Variants in ANKS1B observed in about 807,000 individuals in gnomAD.
The protein encoded by ANKS1B is ankyrin repeat and sterile alpha motif domain containing 1B, also known as ankyrin repeat and sterile alpha motif domain-containing protein 1B.
Under a neutral mutation model 148.3 loss-of-function variants are expected in ANKS1B, and 36 were observed. The ratio of observed to expected loss-of-function variants is 0.24; its 90% CI spans 0.19 to 0.32. The LOEUF is 0.32. ANKS1B is among the 10% of genes least tolerant of loss of function. ANKS1B has a pLI of 1.00. For missense variants in ANKS1B, 1,157 were observed against 1,542.6 expected, an observed-to-expected ratio of 0.75 and a Z score of 4.19; for synonymous variants, 542 against 560.8, an observed-to-expected ratio of 0.97 and a Z score of 0.47.
At chr12:99,848,209 G>C (rs191973982) in intron 1 of ANKS1B, among the ~76,000 whole-genome samples, 21 of 152,154 alleles carry the variant, frequency 1.4e-4, no homozygotes, top group Admixed American at 4.6e-4. Flanking sequence ...GAAGAGAAAA[G>C]GGTCAAAAAT....
intron 8 of ANKS1B, among the ~76,000 whole-genome samples, chr12:99,698,330 T>G (rs1339217335): frequency 6.6e-6 from 1 of 152,136 alleles, no homozygotes; most frequent in Non-Finnish European, 1.5e-5. Context: ...AAATAAACCT[T>G]GAATTTCACT....
intron 10 of ANKS1B, among the ~76,000 whole-genome samples, chr12:99,457,548 G>T (rs775035248): frequency 1.2e-4 from 18 of 151,866 alleles, no homozygotes; most frequent in Non-Finnish European, 2.5e-4. Flanking sequence ...CAACACATAA[G>T]GACTCACATA....
At chr12:98,832,179 A>G in intron 17 of ANKS1B, 43 bp from the exon 18 acceptor site, 1 of 1,444,538 alleles carries the variant, frequency 6.9e-7, no homozygotes, top group Non-Finnish European at 9.4e-7. Context: ...ACTGGAGAAC[A>G]AATAATTTTT....
At chr12:99,116,476 C>T (rs2061448156) in intron 15 of ANKS1B, among the ~76,000 whole-genome samples, 1 of 152,100 alleles carries the variant, frequency 6.6e-6, no homozygotes, top group Non-Finnish European at 1.5e-5. Flanking sequence ...GCATCTAGTG[C>T]TTGGCATGGA....
chr12:98,957,758 T>C (rs2099864923), intron 17 of ANKS1B, among the ~76,000 whole-genome samples: 1 of 152,116 alleles, frequency 6.6e-6, no homozygotes, highest in Admixed American at 6.6e-5. Flanking sequence ...TTCACTTAGA[T>C]TAATATACAT....
At chr12:99,270,863 A>T (rs1179211115) in intron 12 of ANKS1B, among the ~76,000 whole-genome samples, 2 of 152,264 alleles carry the variant, frequency 1.3e-5, no homozygotes, top group African/African-American at 2.4e-5. Flanking sequence ...AATAGTTTTT[A>T]AAATTTATTT....
intron 9 of ANKS1B, among the ~76,000 whole-genome samples, chr12:99,613,124 A>G (rs1029090567): frequency 6.6e-6 from 1 of 152,146 alleles, no homozygotes; most frequent in Admixed American, 6.6e-5. Flanking sequence ...CACCTCAGTG[A>G]GGCTAATCTT....
intron 17 of ANKS1B, among the ~76,000 whole-genome samples, chr12:98,991,434 T>C (rs1008069247): frequency 3.0e-4 from 46 of 152,142 alleles, no homozygotes; most frequent in African/African-American, 1.1e-3. Flanking sequence ...AATAGTAAAA[T>C]ATTTAAATGT....
intron 9 of ANKS1B, among the ~76,000 whole-genome samples, chr12:99,523,551 CTTTTTTTTT>C (rs71088130): frequency 3.3e-5 from 4 of 119,640 alleles, no homozygotes; most frequent in Non-Finnish European, 6.8e-5. Context: ...AAGGCATCTT[CTTTTTTTTT>C]TTTTTTTTTT....
intron 14 of ANKS1B, among the ~76,000 whole-genome samples, chr12:99,193,120 G>A (rs1269853664): frequency 2.0e-5 from 3 of 152,090 alleles, no homozygotes; most frequent in Non-Finnish European, 4.4e-5. Context: ...CCTTACACCT[G>A]CAATAAATTA....
At chr12:99,463,037 C>T (rs1410252144) in intron 10 of ANKS1B, among the ~76,000 whole-genome samples, 1 of 152,186 alleles carries the variant, frequency 6.6e-6, no homozygotes, top group Non-Finnish European at 1.5e-5. Flanking sequence ...TACTCAGTCT[C>T]AGGTATTCCT....
intron 17 of ANKS1B, among the ~76,000 whole-genome samples, chr12:98,905,282 G>T (rs1486360270): frequency 6.6e-6 from 1 of 152,194 alleles, no homozygotes; most frequent in African/African-American, 2.4e-5. Context: ...GCTGGACTTT[G>T]TCAGAACAGT....
At chr12:98,765,359 G>T (rs2098466662) in intron 25 of ANKS1B, among the ~76,000 whole-genome samples, 1 of 151,592 alleles carries the variant, frequency 6.6e-6, no homozygotes, top group Non-Finnish European at 1.5e-5. Flanking sequence ...CTGCCTCCTG[G>T]TTCAAGTGAT....
At chr12:99,642,130 G>T (rs772845481) in intron 9 of ANKS1B, among the ~76,000 whole-genome samples, 1 of 152,068 alleles carries the variant, frequency 6.6e-6, no homozygotes, top group Non-Finnish European at 1.5e-5. Flanking sequence ...AAAAATTGAG[G>T]CTTTCCAAAG....
At chr12:99,766,617 C>T (rs905038191) in intron 8 of ANKS1B, among the ~76,000 whole-genome samples, 1 of 152,116 alleles carries the variant, frequency 6.6e-6, no homozygotes, top group Admixed American at 6.5e-5. Context: ...TAGGAGATTT[C>T]CAACCTTAGT....
At chr12:98,846,005 C>CACACAT (rs1491400567) in intron 17 of ANKS1B, among the ~76,000 whole-genome samples, 150 of 149,636 alleles carry the variant, frequency 1.0e-3, no homozygotes, top group African/African-American at 1.4e-3. Flanking sequence ...CACACACACA[C>CACACAT]ATATATGTAC....
At chr12:98,960,847 T>C (rs1481227577) in intron 17 of ANKS1B, among the ~76,000 whole-genome samples, 1 of 152,082 alleles carries the variant, frequency 6.6e-6, no homozygotes. Flanking sequence ...ATTCTGGAGT[T>C]GAAAAATGCA....
intron 17 of ANKS1B, among the ~76,000 whole-genome samples, chr12:98,961,747 TG>T (rs144923319): frequency 1.3e-5 from 2 of 151,404 alleles, no homozygotes; most frequent in Admixed American, 6.6e-5. Context: ...AAGTATGCAG[TG>T]GGGGGGAATG....
chr12:99,326,500 T>TCTTA (rs113097220), intron 12 of ANKS1B, among the ~76,000 whole-genome samples: 41,055 of 151,752 alleles, frequency 0.27, 8,957 homozygotes, highest in African/African-American at 0.61. Context: ...TTTCACTCCT[T>TCTTA]CTTCTCTCTG....
Sources: gnomAD v4.1 joint callset for allele counts (sites outside exome capture counted in the v4.1 genomes callset) on GRCh38, gnomAD v4.1.1 for gene constraint, MANE v1.5 for transcripts, NCBI Gene and HGNC (gene_info 2026-07-23, HGNC 2026-07-21) for gene names.